Variants in PREX2 observed in about 807,000 individuals in gnomAD.
PREX2 encodes phosphatidylinositol-3,4,5-trisphosphate dependent Rac exchange factor 2, also known as phosphatidylinositol 3,4,5-trisphosphate-dependent Rac exchanger 2 protein.
Under a neutral mutation model 203.2 loss-of-function variants are expected in PREX2, and 107 were observed. The observed-to-expected ratio is 0.53, with a 90% confidence interval of 0.45 to 0.62. PREX2 has a LOEUF of 0.62. PREX2 is among the 20% of genes least tolerant of loss of function. The pLI, the probability that PREX2 is intolerant of heterozygous loss-of-function variation, is 0.00. For synonymous variants in PREX2, 672 were observed against 663.6 expected, an observed-to-expected ratio of 1.01 and a Z score of -0.19; for missense variants, 1,777 against 1,955.9, an observed-to-expected ratio of 0.91 and a Z score of 1.72.
chr8:68,231,466 A>T lies in PREX2; in HGVS notation c.*88A>T. The T allele has an allele frequency of 1.6e-5, 14 of 899,792 alleles. No homozygotes were observed. The highest frequency in any genetic ancestry group is 2.1e-5 in the Non-Finnish European group (13 of 622,216). 55.7% of individuals were successfully genotyped at this position (899,792 alleles called of 1,614,324 possible). ...GCTGGCTAAACATTCTCCACTGAAG[A>T]TACATCAATGCTTTTTTTTTTTTTT... is the stretch of plus-strand genomic sequence containing the variant. On this transcript the variant is annotated 3_prime_UTR_variant, in exon 40 of 40. Transcript: ENST00000288368.
At chr8:68,211,423 A>G (rs1480381280) in intron 37 of PREX2, among the ~76,000 whole-genome samples, 2 of 152,222 alleles carry the variant, frequency 1.3e-5, no homozygotes, top group Non-Finnish European at 2.9e-5. Context: ...ATGAGATCTG[A>G]GAAACTGGGA....
At chr8:68,188,192 A>G (rs932619711) in intron 35 of PREX2, among the ~76,000 whole-genome samples, 15 of 152,332 alleles carry the variant, frequency 9.8e-5, no homozygotes, top group African/African-American at 3.6e-4. Flanking sequence ...GTGATAATCC[A>G]GATGTCAAAA....
chr8:68,036,497 A>C (rs1205847031), intron 6 of PREX2, among the ~76,000 whole-genome samples: 1 of 152,164 alleles, frequency 6.6e-6, no homozygotes, highest in African/African-American at 2.4e-5. Flanking sequence ...CATGATAAGA[A>C]ATGGTCTAAG....
chr8:67,958,031 G>A lies in PREX2; in HGVS notation c.141+5496G>A, dbSNP rs572239653. Among the ~76,000 whole-genome samples the A allele has an allele frequency of 2.2e-4, 33 of 152,320 alleles. 1 individual carries two copies. The highest frequency in any genetic ancestry group is 4.1e-4 in the Non-Finnish European group (28 of 68,028). The stretch of plus-strand genomic sequence containing the variant: ...GGACATGGGGAAAAGGCAGCCCTCT[G>A]CAAGCTAAGGAGGGAAGCTTCAGGA... On this transcript the variant is annotated intron_variant, in intron 1 of 39. Coordinates refer to ENST00000288368, the MANE Select transcript of PREX2 (RefSeq NM_024870.4).
At chr8:68,157,569 G>T (rs1039769215) in intron 35 of PREX2, 133 bp downstream of exon 35, 10 of 468,770 alleles carry the variant, frequency 2.1e-5, no homozygotes, top group Non-Finnish European at 3.5e-5. Context: ...TCGGATTTAG[G>T]GTTTAATATT....
chr8:68,011,573 A>T lies in PREX2; in HGVS notation c.142-6273A>T, dbSNP rs529209496. Among the ~76,000 whole-genome samples, 6 of 152,294 alleles carry T rather than the reference A, an allele frequency of 3.9e-5. No homozygotes were observed. In the East Asian group the frequency reaches 7.7e-4, roughly 20 times the overall value. On this transcript the variant is annotated intron_variant, in intron 1 of 39. Transcript: ENST00000288368. ...AGCTCTAACTTACTGTTATTCAGGT[A>T]GATAGGCCCTGTGTTAATTTTCTCC...
intron 6 of PREX2, 113 bp from the exon 7 acceptor site, chr8:68,038,044 CTG>C: frequency 9.1e-7 from 1 of 1,095,280 alleles, no homozygotes; most frequent in Non-Finnish European, 1.3e-6. Flanking sequence ...GCACTTTAGC[CTG>C]TGCATAGCTT....
intron 1 of PREX2, among the ~76,000 whole-genome samples, chr8:68,011,297 C>T (rs1807252187): frequency 6.6e-6 from 1 of 151,750 alleles, no homozygotes; most frequent in South Asian, 2.1e-4. Context: ...ACTTAGAACT[C>T]TGGAATGATC....
rs889409152 is a variant in PREX2 at position 67,952,167 on chromosome 8, C to T, written c.-228C>T. 2.7e-6 allele frequency: 1 copy of T among 365,072 alleles called. No homozygotes were observed. Among genetic ancestry groups the T allele is most frequent in the Non-Finnish European group, 4.8e-6 (1 of 209,830 alleles). 22.6% of individuals were successfully genotyped at this position (365,072 alleles called of 1,614,324 possible). ...CAGGGCCTGGCCGGAGCCCCCACTC[C>T]CAGGAGTTTCCTCTGCAGAGCCCCG... is the stretch of plus-strand genomic sequence containing the variant. On this transcript the variant is annotated 5_prime_UTR_variant, in exon 1 of 40. Coordinates refer to ENST00000288368, the MANE Select transcript of PREX2 (RefSeq NM_024870.4).
At chr8:68,003,891 C>T (rs1807017815) in intron 1 of PREX2, among the ~76,000 whole-genome samples, 1 of 139,036 alleles carries the variant, frequency 7.2e-6, no homozygotes, top group Non-Finnish European at 1.5e-5. Context: ...ACCCTCTCGC[C>T]AGGCTGGAGT....
intron 14 of PREX2, among the ~76,000 whole-genome samples, chr8:68,076,741 A>G (rs1421436163): frequency 6.6e-6 from 1 of 150,800 alleles, no homozygotes; most frequent in East Asian, 2.0e-4. Context: ...GTTCATATAC[A>G]TGGATCCATA....
Position 68,231,475 on chromosome 8 carries a change from TG to T in PREX2, c.*98del. The T allele has an allele frequency of 1.3e-6, 1 of 751,648 alleles. No homozygotes were observed. The highest frequency in any genetic ancestry group is 1.9e-6 in the Non-Finnish European group (1 of 527,638). The allele number at this position is 751,648 out of a possible 1,614,324, so 46.6% of individuals were successfully genotyped here. ...ACATTCTCCACTGAAGATACATCAATGCTTTTTTTTTTTTTTTTTTCTGTAA... is the reference window on the plus strand; with the variant it reads ...ACATTCTCCACTGAAGATACATCAATCTTTTTTTTTTTTTTTTTTCTGTAA... On this transcript the variant is annotated 3_prime_UTR_variant, in exon 40 of 40. Transcript: ENST00000288368.
chr8:68,097,134 C>T lies in PREX2; in HGVS notation c.2486C>T (p.Ala829Val), dbSNP rs955096765. Residue 829 changes from alanine (A) to valine (V), a missense_variant, in exon 22 of 40, where the codon GCT becomes GTT. Coordinates refer to ENST00000288368, the MANE Select transcript of PREX2 (RefSeq NM_024870.4). ...GTCGTGTATGAGTACGACAGCACAG[C>T]TGGCATCAAGTGCAATGTGGTGGAA... is the stretch of plus-strand genomic sequence containing the variant. ...YGVVYEYDSTAGIKCNVVEKM... is the reference protein window; with the variant it reads ...YGVVYEYDSTVGIKCNVVEKM... The T allele has an allele frequency of 1.2e-5, 19 of 1,613,898 alleles. No homozygotes were observed. Among genetic ancestry groups the T allele is most frequent in the Non-Finnish European group, 1.5e-5 (18 of 1,179,962 alleles).
rs1303088109 is a variant in PREX2 at position 68,038,229 on chromosome 8, A to G, written c.776A>G (p.Asn259Ser). Reference sequence around the variant, plus strand: ...GTCTTACTGAAAATTTCTTCTGGAAATATTCAAGAACGGGTGTTTTTTCTT... The same window carrying G: ...GTCTTACTGAAAATTTCTTCTGGAAGTATTCAAGAACGGGTGTTTTTTCTT... ...CGVLLKISSG[N>S]IQERVFFLFD... Residue 259 changes from asparagine (N) to serine (S), a missense_variant, in exon 7 of 40, where the codon AAT (asparagine) becomes AGT (serine). Physicochemically the swap from Asn to Ser is conservative, Grantham distance 46. Coordinates refer to ENST00000288368, the MANE Select transcript of PREX2 (RefSeq NM_024870.4). The G allele has an allele frequency of 1.2e-5, 20 of 1,613,664 alleles. No individual in the cohort carries two copies. The highest frequency in any genetic ancestry group is 1.5e-5 in the Non-Finnish European group (18 of 1,179,712).
intron 30 of PREX2, among the ~76,000 whole-genome samples, chr8:68,121,402 CA>C (rs34585912): frequency 0.029 from 4,292 of 147,334 alleles, 71 homozygotes; most frequent in Middle Eastern, 0.05. Context: ...AGTTTATCCA[CA>C]AAAAAAAAAT....
chr8:68,010,081 A>G (rs1807217071), intron 1 of PREX2, among the ~76,000 whole-genome samples: 1 of 152,220 alleles, frequency 6.6e-6, no homozygotes, highest in African/African-American at 2.4e-5. Flanking sequence ...AACAATCCCT[A>G]TTAGCACCTT....
intron 37 of PREX2, among the ~76,000 whole-genome samples, chr8:68,209,386 T>G (rs1048635599): frequency 6.6e-6 from 1 of 152,164 alleles, no homozygotes; most frequent in Admixed American, 6.5e-5. Flanking sequence ...AGAACCCTCA[T>G]AAAGTAGGGG....
At chr8:67,969,749 T>G (rs998346415) in intron 1 of PREX2, among the ~76,000 whole-genome samples, 2 of 152,188 alleles carry the variant, frequency 1.3e-5, no homozygotes. Context: ...AGGAAAAACT[T>G]GAAATTCTTC....
intron 11 of PREX2, among the ~76,000 whole-genome samples, chr8:68,065,817 A>AT (rs1353030402): frequency 6.6e-6 from 1 of 152,158 alleles, no homozygotes; most frequent in Non-Finnish European, 1.5e-5. Flanking sequence ...TAAAACAGAC[A>AT]TTTTTTATTA....
Sources: allele counts gnomAD v4.1 joint callset (sites outside exome capture counted in the v4.1 genomes callset), GRCh38; gene constraint gnomAD v4.1.1; transcripts MANE v1.5; gene names NCBI Gene and HGNC (gene_info 2026-07-23, HGNC 2026-07-21).